Variants in RNLS observed in about 807,000 individuals in gnomAD.
The protein encoded by RNLS is renalase, FAD dependent amine oxidase.
A neutral mutation model predicts 39.8 loss-of-function variants in RNLS; 39 were observed. The observed-to-expected ratio is 0.98, with a 90% CI of 0.76 to 1.28. The LOEUF is 1.28. RNLS is among the 50% of genes most tolerant of loss of function. The pLI is 0.00. For missense variants in RNLS, 410 were observed against 413.3 expected (o/e 0.99, Z 0.07); for synonymous variants, 147 against 150.7 (o/e 0.98, Z 0.18).
At chr10:88,382,345 C>T (rs1043233474) in intron 4 of RNLS, among the ~76,000 whole-genome samples, 12 of 152,048 alleles carry the variant, frequency 7.9e-5, no homozygotes, top group Non-Finnish European at 1.3e-4. Flanking sequence ...ACAATATATA[C>T]AGGCATTTCT....
At chr10:88,180,140 T>G in the RNLS span, among the ~76,000 whole-genome samples, 53 of 152,350 alleles carry the variant, frequency 3.5e-4, 1 homozygote, top group South Asian at 6.2e-4. Flanking sequence ...GACAGCAAAT[T>G]GTTTCGTTTA....
At chr10:88,410,559 A>G (rs914138016) in intron 4 of RNLS, among the ~76,000 whole-genome samples, 2 of 152,080 alleles carry the variant, frequency 1.3e-5, no homozygotes, top group South Asian at 4.1e-4. Context: ...ATATATGATG[A>G]GTTATTGATT....
At chr10:88,540,866 A>T (rs1027665763) in intron 4 of RNLS, among the ~76,000 whole-genome samples, 31 of 152,060 alleles carry the variant, frequency 2.0e-4, no homozygotes. Flanking sequence ...ATAATTTACT[A>T]CAAAGAAAGA....
chr10:88,500,841 G>A (rs1338138140), intron 4 of RNLS, among the ~76,000 whole-genome samples: 2 of 152,054 alleles, frequency 1.3e-5, no homozygotes, highest in Non-Finnish European at 2.9e-5. Flanking sequence ...GTAGTAGTGG[G>A]AGATATGCAA....
intron 4 of RNLS, among the ~76,000 whole-genome samples, chr10:88,539,944 C>A (rs1847956919): frequency 6.6e-6 from 1 of 152,012 alleles, no homozygotes; most frequent in South Asian, 2.1e-4. Context: ...CACTTTAATA[C>A]TACAGCCCGT....
chr10:88,564,114 A>G (rs1217253016), intron 4 of RNLS, among the ~76,000 whole-genome samples: 1 of 152,218 alleles, frequency 6.6e-6, no homozygotes, highest in Non-Finnish European at 1.5e-5. Context: ...ATATTCACAT[A>G]TGGATGTGAT....
At chr10:88,521,696 C>T (rs2134198856) in intron 4 of RNLS, among the ~76,000 whole-genome samples, 1 of 152,078 alleles carries the variant, frequency 6.6e-6, no homozygotes, top group Middle Eastern at 3.4e-3. Flanking sequence ...TTTAAGTTAG[C>T]TGATGACACA....
chr10:88,424,133 G>A (rs988905640), intron 4 of RNLS, among the ~76,000 whole-genome samples: 1 of 152,128 alleles, frequency 6.6e-6, no homozygotes, highest in Non-Finnish European at 1.5e-5. Flanking sequence ...TTAACTCTCT[G>A]AATCCCTCCA....
intron 5 of RNLS, among the ~76,000 whole-genome samples, chr10:88,338,777 T>TTTTTTC (rs1847699961): frequency 6.7e-6 from 1 of 149,624 alleles, no homozygotes; most frequent in African/African-American, 2.5e-5. Context: ...TTTTTTTTTT[T>TTTTTTC]TTTGAGACGG....
Position 88,361,431 on chromosome 10 carries a change from T to G in RNLS, c.700+1121A>C, listed in dbSNP as rs555044650. 3.3e-5 allele frequency among the ~76,000 whole-genome samples: 5 copies of G among 152,336 alleles called. No homozygotes were observed. In the East Asian group the frequency reaches 5.8e-4, roughly 18 times the overall value. ...TTATGATGAAATATACACAGGATAA[T>G]GTCTAATTCATGGCATATAACATGA... On this transcript the variant is annotated intron_variant, in intron 5 of 6. Coordinates refer to ENST00000331772, the MANE Select transcript of RNLS (RefSeq NM_001031709.3).
intron 6 of RNLS, among the ~76,000 whole-genome samples, chr10:88,277,015 A>G (rs912375255): frequency 6.6e-6 from 1 of 152,200 alleles, no homozygotes; most frequent in Admixed American, 6.5e-5. Context: ...TACTATAAAG[A>G]CACATGCACA....
At chr10:88,461,784 T>C (rs1842944097) in intron 4 of RNLS, among the ~76,000 whole-genome samples, 1 of 152,064 alleles carries the variant, frequency 6.6e-6, no homozygotes, top group African/African-American at 2.4e-5. Flanking sequence ...TCCCAACTCA[T>C]AGTTTGATAT....
the RNLS span, among the ~76,000 whole-genome samples, chr10:88,173,410 G>T: frequency 1.3e-5 from 2 of 152,124 alleles, no homozygotes; most frequent in Non-Finnish European, 2.9e-5. Context: ...TTTAAAGTCA[G>T]GTAACGTGAT....
chr10:88,227,813 C>T, the RNLS span, among the ~76,000 whole-genome samples: 1 of 152,196 alleles, frequency 6.6e-6, no homozygotes, highest in Non-Finnish European at 1.5e-5. Flanking sequence ...TATGCAGAGG[C>T]GATCATTGCA....
intron 4 of RNLS, among the ~76,000 whole-genome samples, chr10:88,436,547 T>C (rs932959114): frequency 6.6e-6 from 1 of 152,182 alleles, no homozygotes; most frequent in African/African-American, 2.4e-5. Flanking sequence ...ATTTAATATG[T>C]ATATTGGGAG....
In RNLS at chr10:88,515,384, T is replaced by C. The variant is rs189583884; in HGVS notation, c.526+57519A>G. Among the ~76,000 whole-genome samples the C allele has an allele frequency of 3.2e-3, 486 of 152,210 alleles. 4 individuals are homozygous for C. Among genetic ancestry groups the C allele is most frequent in the African/African-American group, 0.011 (442 of 41,562 alleles). ...TTACTTGCAGGGTCCAATTATGCCA[T>C]GTCTTTCCCATCTATGGGCTCTTGT... On this transcript the variant is annotated intron_variant, in intron 4 of 6. Coordinates refer to ENST00000331772, the MANE Select transcript of RNLS (RefSeq NM_001031709.3).
chr10:88,527,436 C>A (rs1847170808), intron 4 of RNLS, among the ~76,000 whole-genome samples: 1 of 152,174 alleles, frequency 6.6e-6, no homozygotes, highest in African/African-American at 2.4e-5. Context: ...ACTTACCAAG[C>A]CCTGTGCCCT....
chr10:88,579,586 ACGCATAT>A (rs1850413418), intron 3 of RNLS, among the ~76,000 whole-genome samples: 1 of 152,174 alleles, frequency 6.6e-6, no homozygotes, highest in Admixed American at 6.5e-5. Flanking sequence ...GCATGCATGC[ACGCATAT>A]CAGTTAGTAA....
At chr10:88,582,625 G>C (rs1850666812) in intron 1 of RNLS, among the ~76,000 whole-genome samples, 1 of 152,242 alleles carries the variant, frequency 6.6e-6, no homozygotes, top group Non-Finnish European at 1.5e-5. Flanking sequence ...GAGAATGACA[G>C]GATTCTGCAA....
Sources: gnomAD v4.1 joint callset for allele counts (sites outside exome capture counted in the v4.1 genomes callset) on GRCh38, gnomAD v4.1.1 for gene constraint, MANE v1.5 for transcripts, NCBI Gene and HGNC (gene_info 2026-07-23, HGNC 2026-07-21) for gene names.